PTGR2: variants seen among roughly 807,000 people sequenced by gnomAD.
PTGR2 encodes 15-oxoprostaglandin 13-reductase.
Under a neutral mutation model 43.4 loss-of-function variants are expected in PTGR2, and 32 were observed. The observed-to-expected ratio is 0.74, with a 90% CI of 0.56 to 0.99. The LOEUF (loss-of-function observed/expected upper bound fraction) is 0.99. Among genes scored for constraint, PTGR2 ranks in the 50% least tolerant of loss-of-function variants. PTGR2 has a pLI of 0.00. For missense variants in PTGR2, 373 were observed against 420.0 expected, an observed-to-expected ratio of 0.89 and a Z score of 0.98; for synonymous variants, 106 against 139.2, an observed-to-expected ratio of 0.76 and a Z score of 1.68.
intron 3 of PTGR2, among the ~76,000 whole-genome samples, chr14:73,868,246 G>A (rs139212799): frequency 0.033 from 4,986 of 151,850 alleles, 290 homozygotes; most frequent in African/African-American, 0.11. Flanking sequence ...CCGAGATCAC[G>A]CCACTGCACT....
intron 3 of PTGR2, among the ~76,000 whole-genome samples, chr14:73,862,615 T>C (rs564049750): frequency 6.6e-6 from 1 of 152,310 alleles, no homozygotes; most frequent in African/African-American, 2.4e-5. Context: ...GTAACAGCAA[T>C]GTACCAATGT....
At position 73,874,168 on chromosome 14, in the gene PTGR2, G is replaced by A. The variant is rs183537644; in HGVS notation, c.302G>A (p.Trp101Ter). Residue 101 changes from tryptophan to a stop codon, truncating the protein, a stop_gained, in exon 4 of 10, where the codon TGG becomes TAG. Coordinates refer to ENST00000555661, the MANE Select transcript of PTGR2 (RefSeq NM_001146154.2). LOFTEE classifies it high-confidence loss of function. ...TKGDFVTSFYWPWQTKVILDG... is the reference protein window; with the variant it reads ...TKGDFVTSFY ...GGCGATTTTGTGACTTCTTTCTATT[G>A]GCCCTGGCAAACCAAGGTTATTCTG... 2 of 1,613,798 alleles carry A rather than the reference G, an allele frequency of 1.2e-6. No individual in the cohort carries two copies. The highest frequency in any genetic ancestry group is 2.7e-5 in the African/African-American group (2 of 74,990).
At chr14:73,879,577 A>G (rs925615461) in intron 6 of PTGR2, 3 of 384,692 alleles carry the variant, frequency 7.8e-6, no homozygotes, top group Non-Finnish European at 9.5e-6. Flanking sequence ...TTACAGTTGC[A>G]TTGTTGAAAT....
Position 73,860,569 on chromosome 14 carries a change from T to C in PTGR2, c.68T>C (p.Phe23Ser). The change falls in exon 3 of 10, where the codon TTC becomes TCC. Residue 23 changes from phenylalanine to serine, a missense_variant. Phe to Ser is a radical substitution (Grantham distance 155, BLOSUM62 -2). Coordinates refer to ENST00000555661, the MANE Select transcript of PTGR2 (RefSeq NM_001146154.2). ...AATGGTAATCCAGTGGCAGAGAATT[T>C]CCGAATGGAAGAAGTCTATTTACCA... ...GKNGNPVAENFRMEEVYLPDN... is the reference protein window; with the variant it reads ...GKNGNPVAENSRMEEVYLPDN... 2 of 1,580,866 alleles carry C rather than the reference T, an allele frequency of 1.3e-6. No individual in the cohort carries two copies. The highest frequency in any genetic ancestry group is 1.7e-6 in the Non-Finnish European group (2 of 1,158,266).
rs1284173671 is a variant in PTGR2 at position 73,884,996 on chromosome 14, AAAAAGATT to A, written c.*820_*827del. 6.6e-5 allele frequency: 10 copies of A among 152,246 alleles called. No homozygotes were observed. The highest frequency in any genetic ancestry group is 2.4e-4 in the African/African-American group (10 of 41,468). 9.4% of individuals were successfully genotyped at this position (152,246 alleles called of 1,614,324 possible). A position where few individuals can be genotyped will look rare whatever the true frequency, so the allele number is the denominator to read the frequency against. ...ATGTAAACATCACTTGTAGGTGATT[AAAAAGATT>A]GACAGCCGGGCCTGATGTCTCAAGC... On this transcript the variant is annotated 3_prime_UTR_variant, in exon 10 of 10. Transcript: ENST00000555661.
In PTGR2 at chr14:73,882,566, T is replaced by G. The variant is rs558380809; in HGVS notation, c.979+128T>G. ...CCCAGGCTGGAGTGTAGTGGCATGA[T>G]CTCAGCTCACTGCAAGCTCCGCCTT... On this transcript the variant is annotated intron_variant, in intron 9 of 9. Transcript: ENST00000555661. 9.8e-6 allele frequency: 6 copies of G among 612,884 alleles called. No homozygotes were observed. The East Asian group carries it at 1.8e-4, about 19-fold the overall frequency. The allele number at this position is 612,884 out of a possible 1,614,324, so 38.0% of individuals were successfully genotyped here.
At chr14:73,874,481 T>C (rs1193735155) in intron 4 of PTGR2, 5 of 507,198 alleles carry the variant, frequency 9.9e-6, no homozygotes, top group African/African-American at 7.7e-5. Context: ...TTTTAATTCA[T>C]GTATGTGCAC....
intron 3 of PTGR2, among the ~76,000 whole-genome samples, chr14:73,871,346 T>C (rs1351153318): frequency 1.2e-4 from 8 of 64,608 alleles, no homozygotes; most frequent in Admixed American, 4.8e-4. Context: ...TTCATCTTTT[T>C]TTTTTTTTTT....
intron 3 of PTGR2, among the ~76,000 whole-genome samples, chr14:73,866,525 G>A (rs1325766172): frequency 1.3e-5 from 2 of 152,174 alleles, no homozygotes; most frequent in East Asian, 3.8e-4. Context: ...TTTCTGCACA[G>A]AAGATTTTGA....
At chr14:73,879,716 T>C (rs2054939436) in intron 6 of PTGR2, 1 of 316,688 alleles carries the variant, frequency 3.2e-6, no homozygotes, top group African/African-American at 2.1e-5. Flanking sequence ...CATGAGGTAT[T>C]AACACTACAT....
intron 9 of PTGR2, among the ~76,000 whole-genome samples, chr14:73,883,487 C>T (rs990640002): frequency 6.6e-6 from 1 of 151,154 alleles, no homozygotes; most frequent in Non-Finnish European, 1.5e-5. Context: ...GAGTGCCTAG[C>T]CCTTTTTTTA....
At chr14:73,852,286 C>CT (rs2054247223) in intron 1 of PTGR2, among the ~76,000 whole-genome samples, 1 of 151,868 alleles carries the variant, frequency 6.6e-6, no homozygotes, top group African/African-American at 2.4e-5. Flanking sequence ...GTGACGGAGT[C>CT]TCGCTCTGTC....
intron 5 of PTGR2, chr14:73,878,578 G>A (rs1051463077): frequency 2.1e-5 from 8 of 376,222 alleles, no homozygotes; most frequent in East Asian, 7.8e-5. Context: ...GCTGGGCAGC[G>A]GCAACAAGCT....
At chr14:73,864,511 G>A (rs2054560072) in intron 3 of PTGR2, among the ~76,000 whole-genome samples, 1 of 152,136 alleles carries the variant, frequency 6.6e-6, no homozygotes, top group Admixed American at 6.6e-5. Flanking sequence ...ATATCTCCTT[G>A]TGGTTTTCTT....
intron 6 of PTGR2, chr14:73,879,566 A>G: frequency 4.9e-6 from 2 of 404,956 alleles, no homozygotes; most frequent in Non-Finnish European, 8.9e-6. Flanking sequence ...TTTGTGAAAA[A>G]TTACAGTTGC....
intron 9 of PTGR2, among the ~76,000 whole-genome samples, chr14:73,883,425 C>T (rs1453557684): frequency 6.6e-6 from 1 of 150,426 alleles, no homozygotes; most frequent in East Asian, 2.0e-4. Flanking sequence ...AACTCCTGGC[C>T]TCAAATGATC....
At chr14:73,854,411 A>G (rs1200057016) in intron 1 of PTGR2, among the ~76,000 whole-genome samples, 3 of 152,180 alleles carry the variant, frequency 2.0e-5, no homozygotes, top group Admixed American at 6.6e-5. Context: ...CAAGTTATCT[A>G]TATTTGAAAT....
intron 3 of PTGR2, chr14:73,861,487 C>G (rs1409352119): frequency 6.6e-6 from 1 of 152,136 alleles, no homozygotes; most frequent in East Asian, 1.9e-4. Flanking sequence ...GCCTGTAATC[C>G]TAGCATTTTT....
At chr14:73,867,101 A>AAAAC (rs1566637522) in intron 3 of PTGR2, among the ~76,000 whole-genome samples, 13 of 141,356 alleles carry the variant, frequency 9.2e-5, no homozygotes, top group South Asian at 2.2e-4. Context: ...AAAAAAAAAA[A>AAAAC]AAAAAAACAA....
Sources: allele counts gnomAD v4.1 joint callset (sites outside exome capture counted in the v4.1 genomes callset), GRCh38; gene constraint gnomAD v4.1.1; transcripts MANE v1.5; gene names NCBI Gene and HGNC (gene_info 2026-07-23, HGNC 2026-07-21).